The following GRIA4 variants were observed in gnomAD, a reference collection of about 807,000 sequenced individuals.
GRIA4 encodes the protein glutamate ionotropic receptor AMPA type subunit 4, also known as glutamate receptor 4.
A neutral mutation model predicts 104.0 loss-of-function variants in GRIA4; 34 were observed. That is an observed-to-expected ratio of 0.33 (90% CI 0.25 to 0.44). The LOEUF (loss-of-function observed/expected upper bound fraction) is 0.44, where lower values mean the gene tolerates loss of function less well. Among genes scored for constraint, GRIA4 ranks in the 20% least tolerant of loss-of-function variants. The pLI is 1.00. For synonymous variants in GRIA4, 386 were observed against 381.9 expected (o/e 1.01, Z -0.13); for missense variants, 750 against 1,096.5 (o/e 0.68, Z 4.46).
chr11:105,794,186 A>G (rs185765011), intron 4 of GRIA4, among the ~76,000 whole-genome samples: 18 of 151,880 alleles, frequency 1.2e-4, no homozygotes, highest in Admixed American at 1.2e-3. Context: ...CCAAATTCCA[A>G]TGGCCGATTA....
At chr11:105,633,252 T>C (rs1951084631) in intron 3 of GRIA4, among the ~76,000 whole-genome samples, 3 of 152,344 alleles carry the variant, frequency 2.0e-5, no homozygotes, top group East Asian at 1.9e-4. Flanking sequence ...TTAATGTGCA[T>C]GTGTTTCACA....
chr11:105,979,958 T>C lies in GRIA4; in HGVS notation c.*219T>C, dbSNP rs956329684. ...GATTTTATATCAGGAAAACTCACAA[T>C]TGAGGTTTTTTTCGGGGAGTGGGTG... On this transcript the variant is annotated 3_prime_UTR_variant, in exon 17 of 17. Transcript: ENST00000282499. 53 of 454,874 alleles carry C rather than the reference T, an allele frequency of 1.2e-4. No homozygotes were observed. The East Asian group carries it at 1.6e-3, about 14-fold the overall frequency. The allele number at this position is 454,874 out of a possible 1,614,324, so 28.2% of individuals were successfully genotyped here.
chr11:105,632,913 T>C, intron 3 of GRIA4, among the ~76,000 whole-genome samples: 1 of 152,140 alleles, frequency 6.6e-6, no homozygotes, highest in Non-Finnish European at 1.5e-5. Flanking sequence ...GCCTCATGTA[T>C]ACAAAATAAA....
At chr11:105,694,508 A>G (rs1427364313) in intron 3 of GRIA4, among the ~76,000 whole-genome samples, 1 of 152,096 alleles carries the variant, frequency 6.6e-6, no homozygotes, top group Non-Finnish European at 1.5e-5. Context: ...AACCTACGAT[A>G]TTATCATTTT....
intron 3 of GRIA4, among the ~76,000 whole-genome samples, chr11:105,623,620 T>C (rs1353086096): frequency 6.6e-6 from 1 of 152,024 alleles, no homozygotes; most frequent in Non-Finnish European, 1.5e-5. Flanking sequence ...AATACAGTTA[T>C]TTGCCTAACT....
chr11:105,615,285 T>C (rs1409007048), intron 3 of GRIA4, among the ~76,000 whole-genome samples: 4 of 151,926 alleles, frequency 2.6e-5, no homozygotes, highest in Non-Finnish European at 4.4e-5. Flanking sequence ...AAGAATACTA[T>C]GGTAACATAA....
chr11:105,728,089 A>T (rs1407542144), intron 3 of GRIA4, among the ~76,000 whole-genome samples: 7 of 152,226 alleles, frequency 4.6e-5, no homozygotes, highest in Non-Finnish European at 7.3e-5. Context: ...GGCAAACTGG[A>T]TAGAATCAAG....
At chr11:105,616,433 T>G (rs1950602742) in intron 3 of GRIA4, among the ~76,000 whole-genome samples, 1 of 151,772 alleles carries the variant, frequency 6.6e-6, no homozygotes, top group African/African-American at 2.4e-5. Flanking sequence ...AAAATAGAGT[T>G]GTTTAGTTAA....
In GRIA4 at chr11:105,980,672, A is replaced by G. The variant is rs1859220695; in HGVS notation, c.*933A>G. ...CTGTGTACAACATTGTGGTTTTTGT[A>G]CCCACCAAAAAGAATAAAACAGCAG... On this transcript the variant is annotated 3_prime_UTR_variant, in exon 17 of 17. Transcript: ENST00000282499. 6.5e-6 allele frequency: 1 copy of G among 152,750 alleles called. No individual in the cohort carries two copies. Among genetic ancestry groups the G allele is most frequent in the South Asian group, 2.1e-4 (1 of 4,830 alleles). 9.5% of individuals were successfully genotyped at this position (152,750 alleles called of 1,614,324 possible).
chr11:105,643,907 C>T (rs541449753), intron 3 of GRIA4, among the ~76,000 whole-genome samples: 1 of 152,186 alleles, frequency 6.6e-6, no homozygotes, highest in South Asian at 2.1e-4. Context: ...TTAGTAGAGA[C>T]AGGGTTTCAC....
chr11:105,961,012 T>A (rs1044910154), intron 14 of GRIA4, among the ~76,000 whole-genome samples: 1 of 152,112 alleles, frequency 6.6e-6, no homozygotes, highest in African/African-American at 2.4e-5. Flanking sequence ...TTATTATGTT[T>A]TTTTCCGATG....
chr11:105,875,823 G>C (rs2136064562), intron 5 of GRIA4, among the ~76,000 whole-genome samples: 1 of 151,952 alleles, frequency 6.6e-6, no homozygotes, highest in East Asian at 1.9e-4. Context: ...TATTAGTCTA[G>C]CTAGTGGTCT....
At chr11:105,657,959 T>A (rs1419530041) in intron 3 of GRIA4, among the ~76,000 whole-genome samples, 1 of 151,816 alleles carries the variant, frequency 6.6e-6, no homozygotes, top group African/African-American at 2.4e-5. Flanking sequence ...TTTTAAAATT[T>A]TATATTTTAT....
chr11:105,891,303 C>G (rs1383951320), intron 6 of GRIA4, among the ~76,000 whole-genome samples: 4 of 152,174 alleles, frequency 2.6e-5, no homozygotes, highest in Non-Finnish European at 5.9e-5. Flanking sequence ...CACTTCTCCT[C>G]AGAGTTTGGA....
intron 16 of GRIA4, among the ~76,000 whole-genome samples, chr11:105,976,333 A>G (rs1431686049): frequency 2.6e-5 from 4 of 152,064 alleles, no homozygotes; most frequent in Non-Finnish European, 5.9e-5. Flanking sequence ...AGTTCATTTC[A>G]AAGTTCAGGG....
chr11:105,782,944 G>A (rs1425268051), intron 4 of GRIA4, among the ~76,000 whole-genome samples: 2 of 151,946 alleles, frequency 1.3e-5, no homozygotes, highest in Non-Finnish European at 1.5e-5. Flanking sequence ...AAATACATAC[G>A]TACATACATA....
At chr11:105,873,249 T>C (rs535335551) in intron 5 of GRIA4, among the ~76,000 whole-genome samples, 3 of 152,292 alleles carry the variant, frequency 2.0e-5, no homozygotes, top group Non-Finnish European at 4.4e-5. Flanking sequence ...GCAAAGGACA[T>C]GAACTCATCC....
At chr11:105,894,789 A>AT (rs1404540417) in intron 6 of GRIA4, among the ~76,000 whole-genome samples, 1 of 133,728 alleles carries the variant, frequency 7.5e-6, no homozygotes, top group African/African-American at 3.1e-5. Context: ...TTATTGCTAC[A>AT]TATTTTTTTT....
chr11:105,926,130 G>A (rs1277760049), intron 12 of GRIA4, among the ~76,000 whole-genome samples: 1 of 151,948 alleles, frequency 6.6e-6, no homozygotes, highest in Non-Finnish European at 1.5e-5. Flanking sequence ...CCTCAACTAT[G>A]GTCACTTCGA....
Sources: gnomAD v4.1 joint callset for allele counts (sites outside exome capture counted in the v4.1 genomes callset) on GRCh38, gnomAD v4.1.1 for gene constraint, MANE v1.5 for transcripts, NCBI Gene and HGNC (gene_info 2026-07-23, HGNC 2026-07-21) for gene names.